Variants in AP2B1 observed in about 807,000 individuals in gnomAD.
AP2B1 encodes AP-2 complex subunit beta.
Under a neutral mutation model 102.0 loss-of-function variants are expected in AP2B1, and 23 were observed. The ratio of observed to expected loss-of-function variants is 0.23; its 90% confidence interval spans 0.16 to 0.32. The LOEUF (loss-of-function observed/expected upper bound fraction) is 0.32, where lower values mean the gene tolerates loss of function less well. Ranked by LOEUF, AP2B1 falls within the 10% of genes least tolerant of loss-of-function variation. The pLI is 1.00. For missense variants in AP2B1, 541 were observed against 1,157.4 expected, an observed-to-expected ratio of 0.47 and a Z score of 7.73; for synonymous variants, 381 against 421.2, an observed-to-expected ratio of 0.90 and a Z score of 1.17.
chr17:35,622,343 CATA>C (rs1405762673), intron 5 of AP2B1, among the ~76,000 whole-genome samples: 1 of 152,146 alleles, frequency 6.6e-6, no homozygotes, highest in Non-Finnish European at 1.5e-5. Context: ...TTATCCTTTA[CATA>C]ATAATGGACA....
intron 5 of AP2B1, among the ~76,000 whole-genome samples, chr17:35,613,718 C>T (rs2073933398): frequency 6.6e-6 from 1 of 152,184 alleles, no homozygotes; most frequent in African/African-American, 2.4e-5. Flanking sequence ...GTGGCTGCTA[C>T]TGTAATTATG....
intron 4 of AP2B1, 51 bp downstream of exon 4, chr17:35,605,891 C>T: frequency 3.8e-6 from 6 of 1,584,174 alleles, no homozygotes; most frequent in Non-Finnish European, 5.1e-6. Flanking sequence ...AAATAAGTAA[C>T]CTCTGTTCAC....
At chr17:35,652,702 A>G (rs1000872495) in intron 13 of AP2B1, among the ~76,000 whole-genome samples, 26 of 152,222 alleles carry the variant, frequency 1.7e-4, no homozygotes, top group Admixed American at 4.6e-4. Flanking sequence ...TGTAGAATCT[A>G]TAGGATCATT....
At chr17:35,692,223 C>A (rs1346964689) in intron 18 of AP2B1, among the ~76,000 whole-genome samples, 1 of 152,030 alleles carries the variant, frequency 6.6e-6, no homozygotes, top group Non-Finnish European at 1.5e-5. Flanking sequence ...GTCACATTAC[C>A]CAAGTAATAG....
At chr17:35,630,204 T>C (rs1246967661) in intron 9 of AP2B1, among the ~76,000 whole-genome samples, 1 of 152,234 alleles carries the variant, frequency 6.6e-6, no homozygotes, top group Non-Finnish European at 1.5e-5. Flanking sequence ...TGATAAATAA[T>C]TTAATAGAAA....
chr17:35,677,202 T>C (rs1276917993), intron 17 of AP2B1, among the ~76,000 whole-genome samples: 1 of 152,156 alleles, frequency 6.6e-6, no homozygotes, highest in Non-Finnish European at 1.5e-5. Flanking sequence ...GTTGCTCCAG[T>C]TGGTCTCAAT....
Position 35,682,445 on chromosome 17 carries a change from C to A in AP2B1, c.2325-250C>A, listed in dbSNP as rs587666095. On this transcript the variant is annotated intron_variant, in intron 17 of 21. Coordinates refer to ENST00000610402, the MANE Select transcript of AP2B1 (RefSeq NM_001030006.2). ...ACAACCTCCGCCTCCCGAGTTCAAGCGATTCTCCTGCCTCAGCCTCCCAAG... is the reference window on the plus strand; with the variant it reads ...ACAACCTCCGCCTCCCGAGTTCAAGAGATTCTCCTGCCTCAGCCTCCCAAG... Among the ~76,000 whole-genome samples, 5 of 148,182 alleles carry A rather than the reference C, an allele frequency of 3.4e-5. No homozygotes were observed. The East Asian group carries it at 1.0e-3, about 30-fold the overall frequency.
At chr17:35,671,013 C>A in intron 15 of AP2B1, 115 bp downstream of exon 15, 1 of 1,075,222 alleles carries the variant, frequency 9.3e-7, no homozygotes, top group Non-Finnish European at 1.4e-6. Context: ...ACACCAAAAC[C>A]TCTATAACAG....
intron 18 of AP2B1, among the ~76,000 whole-genome samples, chr17:35,691,663 C>G (rs2285742): frequency 7.6e-4 from 116 of 152,042 alleles, no homozygotes; most frequent in Middle Eastern, 3.4e-3. Flanking sequence ...TAGCGATTCC[C>G]ACGTCAGACA....
intron 16 of AP2B1, among the ~76,000 whole-genome samples, chr17:35,673,107 C>T (rs1368115323): frequency 1.3e-5 from 2 of 152,154 alleles, no homozygotes; most frequent in Admixed American, 1.3e-4. Context: ...CCACCACCTG[C>T]CACTCTTTTA....
In AP2B1 at chr17:35,674,258, T is replaced by C. The variant is rs773622642; in HGVS notation, c.2261T>C (p.Met754Thr). ...THRQGHIYME[M>T]NFTNKALQHM... ...CGCCAAGGGCACATCTATATGGAAA[T>C]GAACTTCACCAATAAAGCTCTGCAG... Residue 754 changes from methionine to threonine, a missense_variant, in exon 17 of 22, where the codon ATG (methionine) becomes ACG (threonine). Met to Thr is a moderately conservative substitution (Grantham distance 81, BLOSUM62 -1). Around this residue, in one of 10 missense-constraint regions of AP2B1, gnomAD observed 62 missense variants for 87.6 expected, o/e 0.71. Transcript: ENST00000610402. The C allele has an allele frequency of 1.2e-6, 2 of 1,614,078 alleles. No individual in the cohort carries two copies. Among genetic ancestry groups the C allele is most frequent in the Non-Finnish European group, 1.7e-6 (2 of 1,180,044 alleles).
At chr17:35,598,443 T>C in intron 3 of AP2B1, 108 bp downstream of exon 3, 1 of 635,216 alleles carries the variant, frequency 1.6e-6, no homozygotes, top group African/African-American at 1.8e-5. Context: ...CCTCTAAGAA[T>C]GGGTTTGTCC....
chr17:35,623,328 C>T (rs933466365), intron 5 of AP2B1, among the ~76,000 whole-genome samples: 2 of 152,064 alleles, frequency 1.3e-5, no homozygotes, highest in African/African-American at 4.8e-5. Context: ...CTTTGGGAGG[C>T]TGAGGCAGGC....
chr17:35,628,418 A>G (rs1178326497), intron 9 of AP2B1, among the ~76,000 whole-genome samples: 1 of 152,172 alleles, frequency 6.6e-6, no homozygotes, highest in Non-Finnish European at 1.5e-5. Context: ...CCTAGGCAAC[A>G]TAGTAAGGCT....
In AP2B1 at chr17:35,720,545, TTATATA is replaced by T. The variant is rs1213888032; in HGVS notation, c.2782-3056_2782-3051del. Among the ~76,000 whole-genome samples, 235 of 54,326 alleles carry T rather than the reference TTATATA, an allele frequency of 4.3e-3. 8 individuals carry two copies. The highest frequency in any genetic ancestry group is 9.6e-3 in the East Asian group (21 of 2,180). The allele number at this position is 54,326 out of a possible 152,430, so 35.6% of individuals were successfully genotyped here. On this transcript the variant is annotated intron_variant, in intron 21 of 21. Coordinates refer to ENST00000610402, the MANE Select transcript of AP2B1 (RefSeq NM_001030006.2). ...TTTGTCCCATATATTTTTATTTTAT[TTATATA>T]TATATATATATATATATATATATTT...
intron 18 of AP2B1, among the ~76,000 whole-genome samples, chr17:35,695,650 A>T (rs1353258674): frequency 2.0e-5 from 3 of 151,998 alleles, no homozygotes; most frequent in African/African-American, 7.3e-5. Context: ...AATCTTTTTT[A>T]TTGGCCCCTA....
chr17:35,642,622 A>G (rs116281662), intron 12 of AP2B1, among the ~76,000 whole-genome samples: 2,669 of 152,314 alleles, frequency 0.018, 52 homozygotes, highest in African/African-American at 0.049. Flanking sequence ...AGTAATGTTC[A>G]TAAATGGATT....
chr17:35,615,339 A>T (rs776407323), intron 5 of AP2B1, among the ~76,000 whole-genome samples: 3 of 152,230 alleles, frequency 2.0e-5, no homozygotes, highest in Non-Finnish European at 2.9e-5. Flanking sequence ...TGCCTGATAT[A>T]TGGTAAATGC....
At chr17:35,663,804 T>C (rs2075406115) in intron 14 of AP2B1, among the ~76,000 whole-genome samples, 1 of 152,206 alleles carries the variant, frequency 6.6e-6, no homozygotes, top group Non-Finnish European at 1.5e-5. Flanking sequence ...CCTGAGTATA[T>C]GAGTTTGGGT....
Sources: allele counts gnomAD v4.1 joint callset (sites outside exome capture counted in the v4.1 genomes callset), GRCh38; gene constraint gnomAD v4.1.1; regional missense constraint gnomAD v4.1.1; transcripts MANE v1.5; gene names NCBI Gene and HGNC (gene_info 2026-07-23, HGNC 2026-07-21).